PKD1L1: variants seen among roughly 807,000 people sequenced by gnomAD.
The protein encoded by PKD1L1 is polycystin 1 like 1, transient receptor potential channel interacting, also known as polycystin-1-like protein 1.
In PKD1L1, 236 loss-of-function variants were observed where a neutral mutation model predicts 323.4. The observed-to-expected ratio is 0.73, with a 90% CI of 0.66 to 0.81. PKD1L1 has a LOEUF of 0.81. PKD1L1 is among the 40% of genes least tolerant of loss of function. The pLI is 0.00. For synonymous variants in PKD1L1, 1,344 were observed against 1,335.0 expected (o/e 1.01, Z -0.15); for missense variants, 3,320 against 3,508.0 (o/e 0.95, Z 1.35).
In PKD1L1 at chr7:47,836,786, C is replaced by T. The variant is rs542367871; in HGVS notation, c.5943+135G>A. The T allele has an allele frequency of 7.1e-6, 8 of 1,120,630 alleles. No individual in the cohort carries two copies. In the East Asian group the frequency reaches 1.8e-4, roughly 26 times the overall value. 69.4% of individuals were successfully genotyped at this position (1,120,630 alleles called of 1,614,324 possible). A position where few individuals can be genotyped will look rare whatever the true frequency, so the allele number is the denominator to read the frequency against. On this transcript the variant is annotated intron_variant, in intron 37 of 56. Coordinates refer to ENST00000289672, the MANE Select transcript of PKD1L1 (RefSeq NM_138295.5). ...AGCCCTCCTGTTCCTTCTCTGGTCC[C>T]CAGGCAGCCAGGCTTGCTTCCCCTG... is the stretch of plus-strand genomic sequence containing the variant.
intron 6 of PKD1L1, among the ~76,000 whole-genome samples, chr7:47,930,577 G>A (rs1287686453): frequency 6.6e-6 from 1 of 152,110 alleles, no homozygotes; most frequent in South Asian, 2.1e-4. Flanking sequence ...AGCACTTTGG[G>A]AGGCCGAGGC....
rs1785515947 is a variant in PKD1L1, at chr7:47,839,119, A to G, written c.5769+327T>C. Among the ~76,000 whole-genome samples the G allele has an allele frequency of 6.6e-6, 1 of 152,132 alleles. No homozygotes were observed. The highest frequency in any genetic ancestry group is 2.1e-4 in the South Asian group (1 of 4,826). On this transcript the variant is annotated intron_variant, in intron 36 of 56. Coordinates refer to ENST00000289672, the MANE Select transcript of PKD1L1 (RefSeq NM_138295.5). The surrounding 1 kb of genome is among the most constrained non-coding windows in gnomAD (Gnocchi z 4.3). ...TTGATAGTTATCTAGGTTGTTTGGG[A>G]CACACATAGGGCACTGAAAAGTCTT...
chr7:47,906,422 T>C (rs144732496), intron 9 of PKD1L1, among the ~76,000 whole-genome samples: 15 of 152,248 alleles, frequency 9.9e-5, no homozygotes, highest in Non-Finnish European at 8.8e-5. Context: ...ACCACACATA[T>C]AGCATATACA....
intron 15 of PKD1L1, among the ~76,000 whole-genome samples, 171 bp from the exon 16 acceptor site, chr7:47,890,934 G>A (rs902405953): frequency 6.6e-6 from 1 of 152,172 alleles, no homozygotes; most frequent in Admixed American, 6.5e-5. Flanking sequence ...GGTTGCAAAA[G>A]TGCAGCAGCA....
rs1354290313 is a variant in PKD1L1 at position 47,839,342 on chromosome 7, T to C, written c.5769+104A>G. On this transcript the variant is annotated intron_variant, in intron 36 of 56. Coordinates refer to ENST00000289672, the MANE Select transcript of PKD1L1 (RefSeq NM_138295.5). The surrounding 1 kb of genome is among the most constrained non-coding windows in gnomAD (Gnocchi z 4.3). ...TAACTAAGAAAAGAGGAATACACTTTAGAAGAGTTCAAAGACACAACTGTG... is the reference window on the plus strand; with the variant it reads ...TAACTAAGAAAAGAGGAATACACTTCAGAAGAGTTCAAAGACACAACTGTG... 4 of 848,466 alleles carry C rather than the reference T, an allele frequency of 4.7e-6. No individual in the cohort carries two copies. Among genetic ancestry groups the C allele is most frequent in the South Asian group, 1.8e-5 (1 of 54,700 alleles). 52.6% of individuals were successfully genotyped at this position (848,466 alleles called of 1,614,324 possible).
At chr7:47,845,651 G>A (rs925661904) in intron 32 of PKD1L1, among the ~76,000 whole-genome samples, 25 of 152,140 alleles carry the variant, frequency 1.6e-4, no homozygotes, top group African/African-American at 5.3e-4. Flanking sequence ...ATGCAGTGGC[G>A]TGATTTCAGC....
In PKD1L1 at chr7:47,857,983, A is replaced by C. The variant is rs1785943005; in HGVS notation, c.4363-151T>G. 2.4e-5 allele frequency: 16 copies of C among 664,216 alleles called. No homozygotes were observed. In the South Asian group the frequency reaches 2.9e-4, roughly 12 times the overall value. The allele number at this position is 664,216 out of a possible 1,614,324, so 41.1% of individuals were successfully genotyped here. A position where few individuals can be genotyped will look rare whatever the true frequency, so the allele number is the denominator to read the frequency against. ...AGCAAGAGCGCAGGTCTTAGGGCTCAGCGCTGGGTAAGTAGGCAACAAATG... is the reference window on the plus strand; with the variant it reads ...AGCAAGAGCGCAGGTCTTAGGGCTCCGCGCTGGGTAAGTAGGCAACAAATG... On this transcript the variant is annotated intron_variant, in intron 27 of 56. Transcript: ENST00000289672.
At chr7:47,904,702 T>C (rs1787163498) in intron 11 of PKD1L1, 85 bp from the exon 12 acceptor site, 1 of 1,441,428 alleles carries the variant, frequency 6.9e-7, no homozygotes, top group South Asian at 1.4e-5. Context: ...TGCTATACTT[T>C]AAGAGGAAGG....
In PKD1L1 at chr7:47,874,333, A is replaced by G. The variant is rs144795093; in HGVS notation, c.3785-323T>C. On this transcript the variant is annotated intron_variant, in intron 23 of 56. Coordinates refer to ENST00000289672, the MANE Select transcript of PKD1L1 (RefSeq NM_138295.5). ...GGACCCAGGAATTCCTTCATGTAACAGGGGTGCAGGGCTGTGGTGAGGGGA... is the reference window on the plus strand; with the variant it reads ...GGACCCAGGAATTCCTTCATGTAACGGGGGTGCAGGGCTGTGGTGAGGGGA... Among the ~76,000 whole-genome samples, 92 of 152,276 alleles carry G rather than the reference A, an allele frequency of 6.0e-4. 3 individuals are homozygous for G. In the East Asian group the frequency reaches 0.016, roughly 27 times the overall value.
At chr7:47,868,330 T>C (rs1256073586) in intron 24 of PKD1L1, among the ~76,000 whole-genome samples, 1 of 151,900 alleles carries the variant, frequency 6.6e-6, no homozygotes, top group Non-Finnish European at 1.5e-5. Flanking sequence ...GATTGTGCCA[T>C]TGCACTGCAG....
chr7:47,798,188 C>T (rs1018676302), intron 54 of PKD1L1, among the ~76,000 whole-genome samples: 1 of 152,112 alleles, frequency 6.6e-6, no homozygotes, highest in Non-Finnish European at 1.5e-5. Flanking sequence ...TAAGATTTGC[C>T]ACAGAGTGAA....
intron 12 of PKD1L1, 73 bp from the exon 13 acceptor site, chr7:47,902,584 C>G: frequency 6.6e-7 from 1 of 1,511,148 alleles, no homozygotes; most frequent in Non-Finnish European, 9.0e-7. Flanking sequence ...ACTCTTCATA[C>G]CCACTCATAT....
At chr7:47,945,397 C>T (rs1394555977) in intron 1 of PKD1L1, among the ~76,000 whole-genome samples, 2 of 152,250 alleles carry the variant, frequency 1.3e-5, no homozygotes, top group Middle Eastern at 3.4e-3. Flanking sequence ...AAGCCGCCAC[C>T]AGAGGGCAGA....
At chr7:47,903,111 G>A (rs1373131582) in intron 12 of PKD1L1, among the ~76,000 whole-genome samples, 1 of 152,206 alleles carries the variant, frequency 6.6e-6, no homozygotes, top group African/African-American at 2.4e-5. Flanking sequence ...AGCAGGTAGT[G>A]CTTTACTAAG....
At chr7:47,811,590 C>A (rs142691461) in intron 50 of PKD1L1, among the ~76,000 whole-genome samples, 249 of 152,350 alleles carry the variant, frequency 1.6e-3, no homozygotes, top group African/African-American at 5.7e-3. Context: ...TCTATATTTG[C>A]CCTTGCCACA....
At chr7:47,835,382 A>G (rs888315527) in intron 37 of PKD1L1, 139 bp from the exon 38 acceptor site, 1 of 571,756 alleles carries the variant, frequency 1.7e-6, no homozygotes, top group Non-Finnish European at 3.0e-6. Flanking sequence ...TGAATCATGA[A>G]TTTTAAGTTA....
chr7:47,894,845 G>A (rs1222627849), intron 14 of PKD1L1, among the ~76,000 whole-genome samples: 1 of 134,052 alleles, frequency 7.5e-6, no homozygotes, highest in Non-Finnish European at 1.6e-5. Context: ...GCAACAGAGT[G>A]AGACCCTGTC....
chr7:47,905,061 GC>G (rs1787173878), intron 11 of PKD1L1, 95 bp downstream of exon 11: 9 of 1,341,136 alleles, frequency 6.7e-6, no homozygotes, highest in Non-Finnish European at 9.2e-6. Context: ...AAATGCAACA[GC>G]CATAAAATGC....
chr7:47,851,461 C>CAAG (rs1785781157), intron 31 of PKD1L1, among the ~76,000 whole-genome samples: 1 of 151,952 alleles, frequency 6.6e-6, no homozygotes, highest in South Asian at 2.1e-4. Context: ...GACAAGAGAG[C>CAAG]AAGAGTAAGA....
Sources: gnomAD v4.1 joint callset for allele counts (sites outside exome capture counted in the v4.1 genomes callset) on GRCh38, gnomAD v4.1.1 for gene constraint, Gnocchi (gnomAD v3.1) non-coding constraint, MANE v1.5 for transcripts, NCBI Gene and HGNC (gene_info 2026-07-23, HGNC 2026-07-21) for gene names.